The following DLGAP3 variants were observed in gnomAD, a reference collection of about 807,000 sequenced individuals.
DLGAP3 encodes the protein DLG associated protein 3.
Under a neutral mutation model 81.2 loss-of-function variants are expected in DLGAP3, and 17 were observed. That is an observed-to-expected ratio of 0.21 (90% CI 0.14 to 0.31). The LOEUF (loss-of-function observed/expected upper bound fraction) is 0.31. DLGAP3 is among the 10% of genes least tolerant of loss of function. The pLI is 1.00. For synonymous variants in DLGAP3, 577 were observed against 587.4 expected (o/e 0.98, Z 0.26); for missense variants, 1,124 against 1,388.0 (o/e 0.81, Z 3.02).
chr1:34,891,739 G>A (rs956578643), intron 5 of DLGAP3, among the ~76,000 whole-genome samples: 8 of 152,150 alleles, frequency 5.3e-5, no homozygotes, highest in South Asian at 2.1e-4. Context: ...CACAACCTCC[G>A]AAAAATCTCT....
At chr1:34,866,427 T>C (rs1638879622) in intron 11 of DLGAP3, 126 bp from the exon 12 acceptor site, 1 of 748,736 alleles carries the variant, frequency 1.3e-6, no homozygotes, top group South Asian at 1.9e-5. Flanking sequence ...GCGCTCAGAA[T>C]CCGCCACGGA....
chr1:34,881,752 C>T (rs998689442), intron 8 of DLGAP3, among the ~76,000 whole-genome samples: 1 of 152,168 alleles, frequency 6.6e-6, no homozygotes, highest in African/African-American at 2.4e-5. Context: ...TCATATAATT[C>T]ACCATGTTAC....
intron 1 of DLGAP3, among the ~76,000 whole-genome samples, chr1:34,915,481 T>A (rs1037264049): frequency 2.6e-5 from 4 of 152,142 alleles, no homozygotes; most frequent in African/African-American, 9.7e-5. Context: ...CCTTTCTTAC[T>A]CTCTGGCCCA....
intron 1 of DLGAP3, among the ~76,000 whole-genome samples, chr1:34,909,528 C>T (rs1382463154): frequency 6.6e-6 from 1 of 152,206 alleles, no homozygotes; most frequent in Non-Finnish European, 1.5e-5. Flanking sequence ...AACATTAATA[C>T]ATGTAATCCC....
rs749593154 is a variant in DLGAP3, at chr1:34,886,282, T to C, written c.1390A>G (p.Ser464Gly). 2 of 1,589,478 alleles carry C rather than the reference T, an allele frequency of 1.3e-6. No homozygotes were observed. Among genetic ancestry groups the C allele is most frequent in the Admixed American group, 3.5e-5 (2 of 57,520 alleles). Reference sequence around the variant, plus strand: ...TCCAGCTGCTGGTTCAACTCATCGCTGAGCTGGGGGGCAGGGGGTCGGGAG... The same window carrying C: ...TCCAGCTGCTGGTTCAACTCATCGCCGAGCTGGGGGGCAGGGGGTCGGGAG... ...YSRSLTTGQL[S>G]DELNQQLEAV... Residue 464 changes from serine to glycine, a missense_variant, in exon 6 of 12, where the codon AGC becomes GGC. By Grantham distance (56) the Ser-to-Gly change is moderately conservative. This residue lies in a region of DLGAP3 where 357 missense variants were observed against 408.8 expected (regional missense o/e 0.87). Coordinates refer to ENST00000373347, the MANE Select transcript of DLGAP3 (RefSeq NM_001080418.3).
At chr1:34,922,037 C>T (rs1639803946) in intron 1 of DLGAP3, among the ~76,000 whole-genome samples, 1 of 152,120 alleles carries the variant, frequency 6.6e-6, no homozygotes, top group African/African-American at 2.4e-5. Flanking sequence ...TTACTCACTA[C>T]CCCTTTCATC....
Position 34,865,720 on chromosome 1 carries a change from TGGG to T in DLGAP3, c.*360_*362del, listed in dbSNP as rs1412016504. 2 of 286,074 alleles carry T rather than the reference TGGG, an allele frequency of 7.0e-6. No homozygotes were observed. The highest frequency in any genetic ancestry group is 1.3e-5 in the Non-Finnish European group (2 of 152,992). 17.7% of individuals were successfully genotyped at this position (286,074 alleles called of 1,614,324 possible). A position where few individuals can be genotyped will look rare whatever the true frequency, so the allele number is the denominator to read the frequency against. ...CCCCACGAAGCCCAGCCCCGCGGGG[TGGG>T]GGAGGGGGGGACGCAGAGCCCAGAT... is the stretch of plus-strand genomic sequence containing the variant. On this transcript the variant is annotated 3_prime_UTR_variant, in exon 12 of 12. Coordinates refer to ENST00000373347, the MANE Select transcript of DLGAP3 (RefSeq NM_001080418.3).
intron 8 of DLGAP3, among the ~76,000 whole-genome samples, chr1:34,871,316 A>C (rs1638976815): frequency 6.6e-6 from 1 of 152,156 alleles, no homozygotes; most frequent in African/African-American, 2.4e-5. Flanking sequence ...AAGCCTTTGC[A>C]CACGCTACTC....
intron 1 of DLGAP3, among the ~76,000 whole-genome samples, chr1:34,918,626 G>GA (rs916497459): frequency 1.3e-5 from 2 of 152,158 alleles, no homozygotes; most frequent in Non-Finnish European, 2.9e-5. Flanking sequence ...TTTTCCTTTT[G>GA]AAAAATAGTG....
At chr1:34,893,183 A>G (rs941155514) in intron 5 of DLGAP3, among the ~76,000 whole-genome samples, 3 of 151,260 alleles carry the variant, frequency 2.0e-5, no homozygotes, top group Non-Finnish European at 4.4e-5. Flanking sequence ...CGTCTCAAAA[A>G]AAAAAAAAAA....
intron 3 of DLGAP3, among the ~76,000 whole-genome samples, chr1:34,903,555 C>T (rs777703478): frequency 7.2e-5 from 11 of 152,192 alleles, no homozygotes; most frequent in Non-Finnish European, 1.5e-4. Flanking sequence ...AAGTAGGAAT[C>T]AGAGTTCCTG....
At chr1:34,911,848 GAGA>G (rs780322074) in intron 1 of DLGAP3, among the ~76,000 whole-genome samples, 4 of 152,238 alleles carry the variant, frequency 2.6e-5, no homozygotes, top group Non-Finnish European at 5.9e-5. Flanking sequence ...AGGAAAATGG[GAGA>G]AGGAGTCAGA....
intron 1 of DLGAP3, among the ~76,000 whole-genome samples, chr1:34,916,646 TTTTTATTTTATTTTA>T (rs139003111): frequency 0.21 from 29,150 of 137,820 alleles, 3,618 homozygotes; most frequent in Middle Eastern, 0.27. Context: ...ATACTTTTAT[TTTTTATTTTATTTTA>T]TTTTATTTTA....
chr1:34,891,607 A>G lies in DLGAP3; in HGVS notation c.1387-5322T>C, dbSNP rs115124426. On this transcript the variant is annotated intron_variant, in intron 5 of 11. Coordinates refer to ENST00000373347, the MANE Select transcript of DLGAP3 (RefSeq NM_001080418.3). ...GCTTATATATGTGTGCAGGGGAAAT[A>G]AAAGAGTCTGGTGAAGAGTAAAAGC... 5.5e-3 allele frequency among the ~76,000 whole-genome samples: 839 copies of G among 152,374 alleles called. 2 individuals are homozygous for G. The highest frequency in any genetic ancestry group is 0.01 in the Middle Eastern group (3 of 294).
intron 1 of DLGAP3, among the ~76,000 whole-genome samples, chr1:34,911,537 G>A (rs1269681848): frequency 1.3e-5 from 2 of 152,208 alleles, no homozygotes; most frequent in African/African-American, 2.4e-5. Context: ...CACTTTTGCA[G>A]TAGCCTATGG....
chr1:34,887,790 G>C (rs1639256867), intron 5 of DLGAP3, among the ~76,000 whole-genome samples: 1 of 152,180 alleles, frequency 6.6e-6, no homozygotes, highest in Admixed American at 6.5e-5. Flanking sequence ...TAAAGTTTGG[G>C]GGCCTCAGTT....
At chr1:34,871,158 A>G (rs1638973051) in intron 8 of DLGAP3, among the ~76,000 whole-genome samples, 1 of 152,064 alleles carries the variant, frequency 6.6e-6, no homozygotes. Flanking sequence ...ACCCTTCCAC[A>G]GCCCCCTACT....
At chr1:34,885,126 G>C (rs1025015256) in intron 7 of DLGAP3, 63 bp from the exon 8 acceptor site, 2 of 1,484,334 alleles carry the variant, frequency 1.3e-6, no homozygotes, top group South Asian at 1.1e-5. Flanking sequence ...TTCCCGGGGA[G>C]AACGGCTAGC....
chr1:34,900,519 T>C lies in DLGAP3; in HGVS notation c.1108-246A>G, dbSNP rs565776484. Among the ~76,000 whole-genome samples the C allele has an allele frequency of 6.6e-6, 1 of 152,344 alleles. No homozygotes were observed. The highest frequency in any genetic ancestry group is 2.1e-4 in the South Asian group (1 of 4,828). Reference sequence around the variant, plus strand: ...ACCTAGAGAGTCTGAGGGAGTGACATGGCAGGCGTCAAGCGGTTGATGATC... The same window carrying C: ...ACCTAGAGAGTCTGAGGGAGTGACACGGCAGGCGTCAAGCGGTTGATGATC... On this transcript the variant is annotated intron_variant, in intron 3 of 11. Coordinates refer to ENST00000373347, the MANE Select transcript of DLGAP3 (RefSeq NM_001080418.3). The surrounding 1 kb of genome is among the most constrained non-coding windows in gnomAD (Gnocchi z 5.6).
Sources: gnomAD v4.1 joint callset for allele counts (sites outside exome capture counted in the v4.1 genomes callset) on GRCh38, gnomAD v4.1.1 for gene constraint, gnomAD v4.1.1 regional missense constraint, Gnocchi (gnomAD v3.1) non-coding constraint, MANE v1.5 for transcripts, NCBI Gene and HGNC (gene_info 2026-07-23, HGNC 2026-07-21) for gene names.